The following CCDC170 variants were observed in gnomAD, a reference collection of about 807,000 sequenced individuals.
The protein encoded by CCDC170 is coiled-coil domain-containing protein 170.
A neutral mutation model predicts 72.6 loss-of-function variants in CCDC170; 69 were observed. The observed-to-expected ratio is 0.95, with a 90% CI of 0.78 to 1.16. CCDC170 has a LOEUF of 1.16. Ranked by LOEUF, CCDC170 falls within the 50% of genes most tolerant of loss-of-function variation. CCDC170 has a pLI of 0.00. For synonymous variants in CCDC170, 300 were observed against 303.9 expected, an observed-to-expected ratio of 0.99 and a Z score of 0.13; for missense variants, 852 against 832.5, an observed-to-expected ratio of 1.02 and a Z score of -0.29.
intron 1 of CCDC170, among the ~76,000 whole-genome samples, chr6:151,505,608 C>T (rs1207999140): frequency 2.0e-5 from 3 of 151,824 alleles, no homozygotes; most frequent in Admixed American, 1.3e-4. Flanking sequence ...GGCGTGAACC[C>T]GGGAGGCGGA....
At position 151,494,064 on chromosome 6, in the gene CCDC170, TC is replaced by T; in HGVS notation, c.-62del. The stretch of plus-strand genomic sequence containing the variant: ...GGAGACACCCGCGCCACCCGCCGGC[TC>T]CCGGCGCCGCCGCTTCCTCAGGGCC... On this transcript the variant is annotated 5_prime_UTR_variant, in exon 1 of 11. Coordinates refer to ENST00000239374, the MANE Select transcript of CCDC170 (RefSeq NM_025059.4). 7.1e-7 allele frequency: 1 copy of T among 1,409,984 alleles called. No individual in the cohort carries two copies. The allele number at this position is 1,409,984 out of a possible 1,614,324, so 87.3% of individuals were successfully genotyped here. A position where few individuals can be genotyped will look rare whatever the true frequency, so the allele number is the denominator to read the frequency against.
intron 6 of CCDC170, among the ~76,000 whole-genome samples, chr6:151,577,635 C>T (rs2115094854): frequency 6.6e-6 from 1 of 152,294 alleles, no homozygotes; most frequent in South Asian, 2.1e-4. Flanking sequence ...GTGGGGACCC[C>T]CCCCGATGCT....
intron 1 of CCDC170, among the ~76,000 whole-genome samples, chr6:151,532,888 C>A (rs1265301118): frequency 6.6e-6 from 1 of 152,168 alleles, no homozygotes; most frequent in Admixed American, 6.5e-5. Context: ...GCCTTTTAAG[C>A]CCTGCTGCCA....
intron 9 of CCDC170, among the ~76,000 whole-genome samples, chr6:151,601,292 C>A (rs945149733): frequency 2.0e-5 from 3 of 152,196 alleles, no homozygotes; most frequent in Non-Finnish European, 4.4e-5. Context: ...TTATCTCCAA[C>A]TGGGTCCCTC....
chr6:151,533,349 T>C (rs554054393), intron 1 of CCDC170, among the ~76,000 whole-genome samples: 6 of 151,524 alleles, frequency 4.0e-5, no homozygotes, highest in African/African-American at 9.7e-5. Context: ...CCGCCGCACC[T>C]GGCCGACTAT....
At chr6:151,600,268 C>A (rs1301215990) in intron 9 of CCDC170, among the ~76,000 whole-genome samples, 1 of 152,138 alleles carries the variant, frequency 6.6e-6, no homozygotes, top group Admixed American at 6.6e-5. Flanking sequence ...TAAGCTTGTC[C>A]CTGTATTAAT....
At chr6:151,563,549 G>C (rs1004218430) in intron 5 of CCDC170, among the ~76,000 whole-genome samples, 2 of 152,166 alleles carry the variant, frequency 1.3e-5, no homozygotes, top group African/African-American at 4.8e-5. Flanking sequence ...AAGAGATCTA[G>C]TGGTACAGTG....
chr6:151,592,692 G>T (rs1318171766), intron 7 of CCDC170, among the ~76,000 whole-genome samples: 1 of 152,154 alleles, frequency 6.6e-6, no homozygotes, highest in African/African-American at 2.4e-5. Flanking sequence ...TACAATTCAG[G>T]ATGAGATATG....
rs1365696335 is a variant in CCDC170 at position 151,573,222 on chromosome 6, A to G, written c.823A>G (p.Lys275Glu). The change falls in exon 6 of 11, where the codon AAG (lysine) becomes GAG (glutamate). Residue 275 changes from lysine (K) to glutamate (E), a missense_variant. Coordinates refer to ENST00000239374, the MANE Select transcript of CCDC170 (RefSeq NM_025059.4). Reference sequence around the variant, plus strand: ...AAAAGAAGCTCTTGAAAGGGAAGTTAAGATCTTCCAAGAAAGGCTGCTTGC... The same window carrying G: ...AAAAGAAGCTCTTGAAAGGGAAGTTGAGATCTTCCAAGAAAGGCTGCTTGC... ...EAKEALEREV[K>E]IFQERLLAGQ... 2 of 1,613,952 alleles carry G rather than the reference A, an allele frequency of 1.2e-6. No homozygotes were observed. The highest frequency in any genetic ancestry group is 3.3e-5 in the Admixed American group (2 of 60,000).
intron 5 of CCDC170, among the ~76,000 whole-genome samples, chr6:151,562,897 C>T (rs11963038): frequency 0.081 from 12,316 of 152,186 alleles, 1,378 homozygotes; most frequent in African/African-American, 0.26. Flanking sequence ...TTGCTTTTCG[C>T]CCTGAGCCAG....
At chr6:151,533,537 C>T (rs1348128771) in intron 1 of CCDC170, among the ~76,000 whole-genome samples, 1 of 151,852 alleles carries the variant, frequency 6.6e-6, no homozygotes, top group Admixed American at 6.6e-5. Flanking sequence ...CGTGGTGGCA[C>T]ATGCCTGTAA....
At chr6:151,598,521 C>A (rs910721522) in intron 9 of CCDC170, among the ~76,000 whole-genome samples, 1 of 152,154 alleles carries the variant, frequency 6.6e-6, no homozygotes, top group African/African-American at 2.4e-5. Flanking sequence ...TACAGCCGAG[C>A]CTTGAATTAG....
rs186546873 is a variant in CCDC170 at position 151,567,077 on chromosome 6, C to T, written c.775-6097C>T. Among the ~76,000 whole-genome samples, 4 of 152,242 alleles carry T rather than the reference C, an allele frequency of 2.6e-5. No individual in the cohort carries two copies. In the East Asian group the frequency reaches 5.8e-4, roughly 22 times the overall value. On this transcript the variant is annotated intron_variant, in intron 5 of 10. Transcript: ENST00000239374. The stretch of plus-strand genomic sequence containing the variant: ...CTAGGATTACAGGCATGCACCACCA[C>T]ACCCAACTAATTTGTATTTTCAGTA...
At chr6:151,581,362 T>A (rs2115099600) in intron 6 of CCDC170, among the ~76,000 whole-genome samples, 1 of 152,314 alleles carries the variant, frequency 6.6e-6, no homozygotes, top group East Asian at 1.9e-4. Flanking sequence ...TCACTAGGAG[T>A]AAATTTCATC....
At chr6:151,593,482 G>A (rs1776576031) in intron 8 of CCDC170, among the ~76,000 whole-genome samples, 1 of 152,204 alleles carries the variant, frequency 6.6e-6, no homozygotes, top group South Asian at 2.1e-4. Flanking sequence ...TTCACTGTGT[G>A]TAATGGGTAC....
chr6:151,556,353 G>C (rs975166691), intron 5 of CCDC170, among the ~76,000 whole-genome samples: 4 of 152,230 alleles, frequency 2.6e-5, no homozygotes, highest in African/African-American at 7.2e-5. Context: ...CTATTGGGAG[G>C]CTGAGGCATG....
chr6:151,605,380 G>A (rs1368581713), intron 9 of CCDC170, among the ~76,000 whole-genome samples: 1 of 152,204 alleles, frequency 6.6e-6, no homozygotes, highest in Non-Finnish European at 1.5e-5. Flanking sequence ...GCTAGCAAGG[G>A]TTCATGCCCA....
intron 5 of CCDC170, among the ~76,000 whole-genome samples, chr6:151,558,232 G>GTTTTTTTT (rs55648936): frequency 6.4e-4 from 45 of 70,864 alleles, no homozygotes; most frequent in East Asian, 1.8e-3. Context: ...TGAGATTAGT[G>GTTTTTTTT]TTTTTTTTTT....
intron 9 of CCDC170, among the ~76,000 whole-genome samples, chr6:151,603,687 G>C (rs1196498679): frequency 6.6e-6 from 1 of 152,128 alleles, no homozygotes; most frequent in Non-Finnish European, 1.5e-5. Flanking sequence ...AGAAGCACCT[G>C]GTGACCTCAG....
Sources: allele counts gnomAD v4.1 joint callset (sites outside exome capture counted in the v4.1 genomes callset), GRCh38; gene constraint gnomAD v4.1.1; transcripts MANE v1.5; gene names NCBI Gene and HGNC (gene_info 2026-07-23, HGNC 2026-07-21).